Variants in ZNF599 observed in about 807,000 individuals in gnomAD.
ZNF599 encodes the protein zinc finger protein 599.
ZNF599 carries 10 observed loss-of-function variants against 11.7 expected under a neutral mutation model. That is an observed-to-expected ratio of 0.86 (90% CI 0.53 to 1.45). The LOEUF is 1.45. ZNF599 is among the 40% of genes most tolerant of loss of function. The pLI, the probability that ZNF599 is intolerant of heterozygous loss-of-function variation, is 0.00. For synonymous variants in ZNF599, 232 were observed against 253.2 expected, an observed-to-expected ratio of 0.92 and a Z score of 0.79; for missense variants, 688 against 713.6, an observed-to-expected ratio of 0.96 and a Z score of 0.41.
Position 34,760,242 on chromosome 19 carries a change from C to T in ZNF599, c.559G>A (p.Gly187Arg), listed in dbSNP as rs2069103311. Residue 187 changes from glycine (G) to arginine (R), a missense_variant, in exon 4 of 4, where the codon GGA becomes AGA. Physicochemically the swap from Gly to Arg is moderately radical, Grantham distance 125. Coordinates refer to ENST00000329285, the MANE Select transcript of ZNF599 (RefSeq NM_001007248.3). Reference protein sequence around the residue: ...ALHECDSQGPGKDPMTDARNN... With the variant: ...ALHECDSQGPRKDPMTDARNN... ...CTTGCATCAGTCATGGGGTCTTTTC[C>T]TGGTCCTTGAGAGTCACACTCATGG... is the stretch of plus-strand genomic sequence containing the variant. 2 of 1,614,022 alleles carry T rather than the reference C, an allele frequency of 1.2e-6. No individual in the cohort carries two copies. The highest frequency in any genetic ancestry group is 1.7e-6 in the Non-Finnish European group (2 of 1,180,036).
At chr19:34,770,475 G>C (rs918748179) in intron 1 of ZNF599, among the ~76,000 whole-genome samples, 2 of 152,222 alleles carry the variant, frequency 1.3e-5, no homozygotes, top group Non-Finnish European at 2.9e-5. Context: ...TTGCCTCATA[G>C]AAGAGGCACC....
intron 1 of ZNF599, 59 bp downstream of exon 1, chr19:34,772,765 G>T: frequency 6.5e-7 from 1 of 1,534,888 alleles, no homozygotes; most frequent in East Asian, 2.5e-5. Flanking sequence ...GTATTACAGC[G>T]GATGGGTGCA....
intron 1 of ZNF599, among the ~76,000 whole-genome samples, chr19:34,771,471 AC>A (rs2069183670): frequency 6.6e-6 from 1 of 152,184 alleles, no homozygotes; most frequent in East Asian, 1.9e-4. Context: ...CTCAGTGAAG[AC>A]CAGCTACTAT....
the ZNF599 span, among the ~76,000 whole-genome samples, chr19:34,778,458 C>G: frequency 1.3e-5 from 2 of 151,964 alleles, 1 homozygote; most frequent in Non-Finnish European, 2.9e-5. Context: ...AGCTTGAGAT[C>G]AATGAAACTG....
Position 34,772,831 on chromosome 19 carries a change from G to C in ZNF599, c.11C>G (p.Pro4Arg). The C allele has an allele frequency of 1.3e-6, 2 of 1,521,754 alleles. No individual in the cohort carries two copies. Among genetic ancestry groups the C allele is most frequent in the East Asian group, 2.6e-5 (1 of 38,376 alleles). 94.3% of individuals were successfully genotyped at this position (1,521,754 alleles called of 1,614,324 possible). Residue 4 changes from proline (P) to arginine (R), a missense_variant, in exon 1 of 4, where the codon CCG becomes CGG. Physicochemically the swap from Pro to Arg is moderately radical, Grantham distance 103 (BLOSUM62 -2). Coordinates refer to ENST00000329285, the MANE Select transcript of ZNF599 (RefSeq NM_001007248.3). Reference protein sequence around the residue: MAAPALALVSFEDV... With the variant: MAARALALVSFEDV... ...GCGGAACCCTCCACTCACCAACGCC[G>C]GCGCCGCCATGGGCCCAGGGGGCTG...
At position 34,769,689 on chromosome 19, in the gene ZNF599, G is replaced by C. The variant is rs183634152; in HGVS notation, c.19-134C>G. ...CTCCTGAGAACCACTGGGCTCTGTG[G>C]AGGCAGATGGTGCCGCTGACAGAAT... On this transcript the variant is annotated intron_variant, in intron 1 of 3. Coordinates refer to ENST00000329285, the MANE Select transcript of ZNF599 (RefSeq NM_001007248.3). The C allele has an allele frequency of 4.5e-4, 477 of 1,066,586 alleles. 1 individual carries two copies. The African/African-American group carries it at 6.7e-3, about 15-fold the overall frequency. 66.1% of individuals were successfully genotyped at this position (1,066,586 alleles called of 1,614,324 possible). A position where few individuals can be genotyped will look rare whatever the true frequency, so the allele number is the denominator to read the frequency against.
rs2069183945 is a variant in ZNF599 at position 34,771,516 on chromosome 19, G to A, written c.18+1308C>T. Among the ~76,000 whole-genome samples the A allele has an allele frequency of 2.6e-5, 4 of 152,212 alleles. No individual in the cohort carries two copies. The South Asian group carries it at 8.3e-4, about 32-fold the overall frequency. On this transcript the variant is annotated intron_variant, in intron 1 of 3. Coordinates refer to ENST00000329285, the MANE Select transcript of ZNF599 (RefSeq NM_001007248.3). The stretch of plus-strand genomic sequence containing the variant: ...GTTAGTATTTTTCCTATTTGCTCCT[G>A]TCGCACCCTAGGAGAGCTCAATGCA...
upstream of ZNF599, among the ~76,000 whole-genome samples, chr19:34,777,356 A>ATATTATATATTATG: frequency 1.1e-5 from 1 of 91,704 alleles, no homozygotes; most frequent in Non-Finnish European, 2.0e-5. Flanking sequence ...TATATATTAT[A>ATATTATATATTATG]TATTAATATA....
Position 34,759,953 on chromosome 19 carries a change from T to C in ZNF599, c.848A>G (p.Tyr283Cys), listed in dbSNP as rs141109238. 1.3e-5 allele frequency: 21 copies of C among 1,614,098 alleles called. No homozygotes were observed. The highest frequency in any genetic ancestry group is 2.7e-5 in the African/African-American group (2 of 74,926). The change falls in exon 4 of 4, where the codon TAT (tyrosine) becomes TGT (cysteine). Residue 283 changes from tyrosine (Y) to cysteine (C), a missense_variant. Coordinates refer to ENST00000329285, the MANE Select transcript of ZNF599 (RefSeq NM_001007248.3). ...TGCTTTGCCACATTCTTTGCACTCA[T>C]AGGGCTTATCTCCGGTGTGAATACG... The part of the protein sequence containing the change: ...HQRIHTGDKP[Y>C]ECKECGKAFT...
chr19:34,771,735 G>A (rs1010929377), intron 1 of ZNF599, among the ~76,000 whole-genome samples: 2 of 152,188 alleles, frequency 1.3e-5, no homozygotes, highest in African/African-American at 2.4e-5. Context: ...GGGAGCCCCA[G>A]AGGATAGAAT....
chr19:34,802,693 C>A, the ZNF599 span, among the ~76,000 whole-genome samples: 6,158 of 152,056 alleles, frequency 0.04, 174 homozygotes, highest in Non-Finnish European at 0.063. Context: ...GCATTGGCAC[C>A]AAAATAGTAG....
chr19:34,759,267 A>C lies in ZNF599; in HGVS notation c.1534T>G (p.Cys512Gly). ...TGEKPYVCRE[C>G]GKAFTQPANF... is the part of the protein sequence containing the mutation. ...GCAGGTTGGGTAAAAGCCTTTCCAC[A>C]TTCTCTACAAACATAGGGCTTCTCT... The change falls in exon 4 of 4, where the codon TGT becomes GGT. Residue 512 changes from cysteine (C) to glycine (G), a missense_variant. Transcript: ENST00000329285. 1 of 1,614,208 alleles carries C rather than the reference A, an allele frequency of 6.2e-7. No homozygotes were observed. The highest frequency in any genetic ancestry group is 8.5e-7 in the Non-Finnish European group (1 of 1,180,028).
the ZNF599 span, among the ~76,000 whole-genome samples, chr19:34,796,349 T>A: frequency 6.6e-6 from 1 of 151,732 alleles, no homozygotes; most frequent in Non-Finnish European, 1.5e-5. Flanking sequence ...GTCTCTCTAT[T>A]GCCCAAGATG....
Position 34,759,658 on chromosome 19 carries a change from G to A in ZNF599, c.1143C>T (p.Ser381=). 6.2e-7 allele frequency: 1 copy of A among 1,614,058 alleles called. No homozygotes were observed. Among genetic ancestry groups the A allele is most frequent in the Non-Finnish European group, 8.5e-7 (1 of 1,180,016 alleles). The part of the protein sequence containing the change: ...ECGKTFCLNS[S]FTQHMRIHTG... ...TGTGAATCCTCATGTGCTGAGTGAAGGATGAGTTGAGGCAAAAGGTTTTTC... is the reference window on the plus strand; with the variant it reads ...TGTGAATCCTCATGTGCTGAGTGAAAGATGAGTTGAGGCAAAAGGTTTTTC... Residue 381 remains serine (S), a synonymous_variant, in exon 4 of 4, where the codon TCC becomes TCT. Transcript: ENST00000329285.
chr19:34,788,330 G>A, the ZNF599 span, among the ~76,000 whole-genome samples: 1 of 151,910 alleles, frequency 6.6e-6, no homozygotes, highest in Non-Finnish European at 1.5e-5. Context: ...TTAGAATTTC[G>A]GTTCATATCC....
chr19:34,787,409 A>G, the ZNF599 span, among the ~76,000 whole-genome samples: 1 of 152,212 alleles, frequency 6.6e-6, no homozygotes, highest in East Asian at 1.9e-4. Flanking sequence ...GTTTTACAAG[A>G]TAGTACACCT....
chr19:34,797,824 A>C, the ZNF599 span, among the ~76,000 whole-genome samples: 1 of 152,232 alleles, frequency 6.6e-6, no homozygotes. Flanking sequence ...ATGTGAAACT[A>C]GACAACCAGT....
At chr19:34,772,601 G>A in intron 1 of ZNF599, 2 of 1,354,182 alleles carry the variant, frequency 1.5e-6, no homozygotes, top group Non-Finnish European at 1.9e-6. Flanking sequence ...CTCCAGGTTA[G>A]AGCCAGAGAC....
At chr19:34,765,462 A>G (rs952327272) in intron 3 of ZNF599, 4 of 663,548 alleles carry the variant, frequency 6.0e-6, no homozygotes, top group African/African-American at 1.8e-5. Flanking sequence ...TGGACTCCCA[A>G]TCCATAGGTG....
Sources: gnomAD v4.1 joint callset for allele counts (sites outside exome capture counted in the v4.1 genomes callset) on GRCh38, gnomAD v4.1.1 for gene constraint, MANE v1.5 for transcripts, NCBI Gene and HGNC (gene_info 2026-07-23, HGNC 2026-07-21) for gene names.